Variants in PIGQ observed in about 807,000 individuals in gnomAD.
PIGQ encodes the protein phosphatidylinositol glycan anchor biosynthesis class Q, also known as phosphatidylinositol N-acetylglucosaminyltransferase subunit Q.
Under a neutral mutation model 60.3 loss-of-function variants are expected in PIGQ, and 54 were observed. The ratio of observed to expected loss-of-function variants is 0.90; its 90% CI spans 0.72 to 1.12. The LOEUF is 1.12. Among genes scored for constraint, PIGQ ranks in the 50% most tolerant of loss-of-function variants. PIGQ has a pLI of 0.00. For synonymous variants in PIGQ, 416 were observed against 363.7 expected (o/e 1.14, Z -1.64); for missense variants, 799 against 793.5 (o/e 1.01, Z -0.08).
chr16:578,990 C>G lies in PIGQ; in HGVS notation c.1223+52C>G, dbSNP rs758349741. 1.0e-5 allele frequency: 12 copies of G among 1,178,658 alleles called. No homozygotes were observed. The South Asian group carries it at 1.4e-4, about 14-fold the overall frequency. 73.0% of individuals were successfully genotyped at this position (1,178,658 alleles called of 1,614,324 possible). ...CGCCCCCTGGGAGGTGCAGAGGCTC[C>G]GGCTGGGCGGGCGTTCGAGTGGGGC... On this transcript the variant is annotated intron_variant, in intron 6 of 10. Coordinates refer to ENST00000321878, the MANE Select transcript of PIGQ (RefSeq NM_004204.5).
chr16:575,187 TG>T (rs1051722447), intron 2 of PIGQ, among the ~76,000 whole-genome samples: 1 of 152,146 alleles, frequency 6.6e-6, no homozygotes, highest in African/African-American at 2.4e-5. Context: ...TCATGGGCTG[TG>T]GGGGTGTCAT....
chr16:571,518 GTGTC>G (rs2035627504), intron 1 of PIGQ, among the ~76,000 whole-genome samples: 1 of 126,514 alleles, frequency 7.9e-6, no homozygotes, highest in Non-Finnish European at 1.6e-5. Context: ...GTGTGTGTGT[GTGTC>G]TGGCTAGCCT....
chr16:580,133 C>T (rs770878032), intron 7 of PIGQ, 50 bp from the exon 8 acceptor site: 2 of 1,482,154 alleles, frequency 1.3e-6, no homozygotes, highest in African/African-American at 1.4e-5. Flanking sequence ...CTGGGCCGTC[C>T]CTGGGCGCGG....
intron 1 of PIGQ, among the ~76,000 whole-genome samples, 182 bp from the exon 2 acceptor site, chr16:573,884 A>G (rs1224593524): frequency 6.6e-6 from 1 of 152,150 alleles, no homozygotes; most frequent in African/African-American, 2.4e-5. Context: ...CCCTTGGAGA[A>G]GCATGGCCCA....
At chr16:582,379 T>C (rs1022887301) in intron 10 of PIGQ, 70 bp downstream of exon 10, 1 of 1,184,868 alleles carries the variant, frequency 8.4e-7, no homozygotes, top group Admixed American at 2.1e-5. Flanking sequence ...GTCAGCTGGG[T>C]GTAGTGTCTG....
At position 583,729 on chromosome 16, in the gene PIGQ, A is replaced by G. The variant is rs781611178; in HGVS notation, c.*694A>G. 5 of 1,418,734 alleles carry G rather than the reference A, an allele frequency of 3.5e-6. No individual in the cohort carries two copies. Among genetic ancestry groups the G allele is most frequent in the Non-Finnish European group, 4.9e-6 (5 of 1,014,174 alleles). The allele number at this position is 1,418,734 out of a possible 1,614,324, so 87.9% of individuals were successfully genotyped here. A position where few individuals can be genotyped will look rare whatever the true frequency, so the allele number is the denominator to read the frequency against. On this transcript the variant is annotated 3_prime_UTR_variant, in exon 11 of 11. Transcript: ENST00000321878. Reference sequence around the variant, plus strand: ...CCCGCCCACTGACCCAGCCGTACCTATTCGTCCACGGTGCCCCGTAGCAGC... The same window carrying G: ...CCCGCCCACTGACCCAGCCGTACCTGTTCGTCCACGGTGCCCCGTAGCAGC...
At position 580,971 on chromosome 16, in the gene PIGQ, G is replaced by C; in HGVS notation, c.1530G>C (p.Ala510=). The change falls in exon 9 of 11, where the codon GCG becomes GCC. Residue 510 remains alanine, a splice_region_variant and synonymous_variant. Transcript: ENST00000321878. ...GLRLCRPYRL[A]AGVKFRVLRH... ...GGCTCTGCCGGCCCTACAGGCTGGC[G>C]GGTAAGTGCTGCGTATTGGGCAGCT... The C allele has an allele frequency of 6.3e-7, 1 of 1,596,812 alleles. No homozygotes were observed. Among genetic ancestry groups the C allele is most frequent in the Non-Finnish European group, 8.6e-7 (1 of 1,165,954 alleles).
Position 574,093 on chromosome 16 carries a change from T to G in PIGQ, c.19T>G (p.Phe7Val), listed in dbSNP as rs887947608. 6.2e-6 allele frequency: 10 copies of G among 1,605,654 alleles called. No individual in the cohort carries two copies. The highest frequency in any genetic ancestry group is 1.3e-5 in the African/African-American group (1 of 74,816). The stretch of plus-strand genomic sequence containing the variant: ...TCCCGGCATGGTGCTCAAGGCCTTC[T>G]TCCCCACGTGCTGCGTCTCGACGGA... MVLKAFFPTCCVSTDSG... is the reference protein window; with the variant it reads MVLKAFVPTCCVSTDSG... Residue 7 changes from phenylalanine to valine, a missense_variant, in exon 2 of 11, where the codon TTC becomes GTC. Physicochemically the swap from Phe to Val is conservative, Grantham distance 50. Transcript: ENST00000321878.
Position 583,891 on chromosome 16 carries a change from C to T in PIGQ, c.*856C>T. 1.8e-6 allele frequency: 1 copy of T among 556,844 alleles called. No individual in the cohort carries two copies. Among genetic ancestry groups the T allele is most frequent in the Non-Finnish European group, 3.3e-6 (1 of 305,654 alleles). 34.5% of individuals were successfully genotyped at this position (556,844 alleles called of 1,614,324 possible). A position where few individuals can be genotyped will look rare whatever the true frequency, so the allele number is the denominator to read the frequency against. ...GCCGTGGCACTGAGGCCGAAAGTGC[C>T]TGCCAGACGGCACGGTCTGGGTGCG... On this transcript the variant is annotated 3_prime_UTR_variant, in exon 11 of 11. Transcript: ENST00000321878.
chr16:582,153 G>A (rs1348041349), intron 9 of PIGQ, 95 bp from the exon 10 acceptor site: 10 of 900,332 alleles, frequency 1.1e-5, no homozygotes, highest in African/African-American at 3.3e-5. Context: ...AGCAGCACCC[G>A]GGTGCCCCTC....
At position 583,612 on chromosome 16, in the gene PIGQ, TC is replaced by T; in HGVS notation, c.*580del. The T allele has an allele frequency of 6.2e-7, 1 of 1,612,766 alleles. No homozygotes were observed. The highest frequency in any genetic ancestry group is 8.5e-7 in the Non-Finnish European group (1 of 1,179,948). On this transcript the variant is annotated 3_prime_UTR_variant, in exon 11 of 11. Coordinates refer to ENST00000321878, the MANE Select transcript of PIGQ (RefSeq NM_004204.5). ...CCACACGGGGTTTATTTGCGGATGT[TC>T]CCTGGAGAGGTCGCTTTGTGAAGAA... is the stretch of plus-strand genomic sequence containing the variant.
chr16:573,009 C>T (rs1038266572), intron 1 of PIGQ, among the ~76,000 whole-genome samples: 2 of 152,206 alleles, frequency 1.3e-5, no homozygotes, highest in Non-Finnish European at 2.9e-5. Flanking sequence ...CCCAGCCAGC[C>T]GGCCAGTAGT....
intron 4 of PIGQ, 137 bp from the exon 5 acceptor site, chr16:578,242 C>T (rs1328948813): frequency 8.5e-6 from 7 of 819,414 alleles, no homozygotes; most frequent in Non-Finnish European, 1.9e-6. Context: ...AGCCCGTGTG[C>T]TGTCCACGCT....
In PIGQ at chr16:583,486, G is replaced by A; in HGVS notation, c.*451G>A. The A allele has an allele frequency of 6.2e-7, 1 of 1,612,742 alleles. No homozygotes were observed. Among genetic ancestry groups the A allele is most frequent in the Non-Finnish European group, 8.5e-7 (1 of 1,179,932 alleles). On this transcript the variant is annotated 3_prime_UTR_variant, in exon 11 of 11. Transcript: ENST00000321878. ...TGCCAGGATGAACCCCCCAGTCCCA[G>A]GCACCCTCTAGCTCCCTCAGCCGAA...
rs2035763047 is a variant in PIGQ at position 578,820 on chromosome 16, A to G, written c.1105A>G (p.Ile369Val). 6.2e-7 allele frequency: 1 copy of G among 1,613,638 alleles called. No individual in the cohort carries two copies. Among genetic ancestry groups the G allele is most frequent in the Non-Finnish European group, 8.5e-7 (1 of 1,179,958 alleles). Residue 369 changes from isoleucine (I) to valine (V), a missense_variant, in exon 6 of 11, where the codon ATC (isoleucine) becomes GTC (valine). Transcript: ENST00000321878. ...CCTCATGTCCCCCTTCGTGGAGCAC[A>G]TCCTTTGGCACGTGGGCCTCTCGGC... ...IHLMSPFVEH[I>V]LWHVGLSACL... is the part of the protein sequence containing the mutation.
At chr16:572,951 C>T (rs768658701) in intron 1 of PIGQ, among the ~76,000 whole-genome samples, 1 of 152,238 alleles carries the variant, frequency 6.6e-6, no homozygotes. Context: ...CCGCTCCACT[C>T]TTCGTGCAGG....
chr16:580,785 C>A, intron 8 of PIGQ, 73 bp from the exon 9 acceptor site: 1 of 777,316 alleles, frequency 1.3e-6, no homozygotes, highest in Non-Finnish European at 2.3e-6. Context: ...TCATCGTGGC[C>A]CAGGATGGGG....
chr16:580,802 T>A, intron 8 of PIGQ, 56 bp from the exon 9 acceptor site: 2 of 822,702 alleles, frequency 2.4e-6, no homozygotes, highest in South Asian at 2.6e-5. Context: ...GGGGTCGGAC[T>A]GCTCTGCCCC....
At chr16:572,468 C>T (rs1294219090) in intron 1 of PIGQ, 5 of 454,614 alleles carry the variant, frequency 1.1e-5, no homozygotes, top group East Asian at 7.0e-5. Flanking sequence ...CAGGCATTTC[C>T]GTGTGAGGCC....
Sources: allele counts gnomAD v4.1 joint callset (sites outside exome capture counted in the v4.1 genomes callset), GRCh38; gene constraint gnomAD v4.1.1; transcripts MANE v1.5; gene names NCBI Gene and HGNC (gene_info 2026-07-23, HGNC 2026-07-21).